EPB41L3: variants seen among roughly 807,000 people sequenced by gnomAD.
EPB41L3 encodes the protein band 4.1-like protein 3.
A neutral mutation model predicts 127.1 loss-of-function variants in EPB41L3; 57 were observed. The observed-to-expected ratio is 0.45, with a 90% CI of 0.36 to 0.56. The LOEUF is 0.56. Among genes scored for constraint, EPB41L3 ranks in the 20% least tolerant of loss-of-function variants. The probability of loss-of-function intolerance (pLI) is 0.00; values close to 1 mark genes in which losing one functional copy is unlikely to be tolerated. For missense variants in EPB41L3, 1,273 were observed against 1,372.2 expected, an observed-to-expected ratio of 0.93 and a Z score of 1.14; for synonymous variants, 572 against 549.5, an observed-to-expected ratio of 1.04 and a Z score of -0.57.
intron 3 of EPB41L3, among the ~76,000 whole-genome samples, chr18:5,448,909 A>G (rs1257293847): frequency 2.0e-5 from 3 of 152,194 alleles, no homozygotes; most frequent in Non-Finnish European, 2.9e-5. Context: ...ATGTCCTAAA[A>G]ATGGCATATC....
At chr18:5,590,554 T>A (rs572197331) in intron 3 of EPB41L3, among the ~76,000 whole-genome samples, 1 of 143,172 alleles carries the variant, frequency 7.0e-6, no homozygotes. Context: ...CCTAGAGAAG[T>A]GAACACTATG....
chr18:5,430,821 G>T (rs926053890), intron 8 of EPB41L3, among the ~76,000 whole-genome samples: 6 of 151,786 alleles, frequency 4.0e-5, no homozygotes, highest in Non-Finnish European at 8.8e-5. Context: ...GTCTCAGAGT[G>T]CTAGGATTAC....
rs2081246322 is a variant in EPB41L3, at chr18:5,444,731, T to C, written c.486+409A>G. On this transcript the variant is annotated intron_variant, in intron 4 of 22. Coordinates refer to ENST00000341928, the MANE Select transcript of EPB41L3 (RefSeq NM_012307.5). ...AATGGTGAACTGCCCTGACAGTTTATGGGTTACAATCATAATATCGTCATA... is the reference window on the plus strand; with the variant it reads ...AATGGTGAACTGCCCTGACAGTTTACGGGTTACAATCATAATATCGTCATA... Among the ~76,000 whole-genome samples the C allele has an allele frequency of 2.0e-5, 3 of 152,296 alleles. No individual in the cohort carries two copies. The South Asian group carries it at 6.2e-4, about 32-fold the overall frequency.
At chr18:5,451,016 C>G (rs1303893056) in intron 3 of EPB41L3, among the ~76,000 whole-genome samples, 1 of 152,136 alleles carries the variant, frequency 6.6e-6, no homozygotes, top group African/African-American at 2.4e-5. Flanking sequence ...CATTAGCAGT[C>G]ACTGATGACC....
At chr18:5,580,158 A>C (rs1157307721) in intron 3 of EPB41L3, among the ~76,000 whole-genome samples, 3 of 152,178 alleles carry the variant, frequency 2.0e-5, no homozygotes, top group Non-Finnish European at 1.5e-5. Flanking sequence ...ACAGACACTC[A>C]TTTATGGATA....
intron 1 of EPB41L3, among the ~76,000 whole-genome samples, chr18:5,621,293 C>T (rs969819316): frequency 6.6e-6 from 1 of 152,084 alleles, no homozygotes; most frequent in African/African-American, 2.4e-5. Flanking sequence ...ATCCCTAAAC[C>T]CAGTTGGGAG....
At chr18:5,427,890 C>A (rs2078435226) in intron 9 of EPB41L3, among the ~76,000 whole-genome samples, 1 of 151,914 alleles carries the variant, frequency 6.6e-6, no homozygotes, top group Non-Finnish European at 1.5e-5. Context: ...GGAATATAGG[C>A]ACCTGCCACT....
intron 3 of EPB41L3, among the ~76,000 whole-genome samples, chr18:5,581,048 A>C (rs750004447): frequency 2.0e-5 from 3 of 152,166 alleles, no homozygotes; most frequent in Admixed American, 2.0e-4. Flanking sequence ...ACACAAAGTG[A>C]ATTTGGAGGA....
intron 3 of EPB41L3, among the ~76,000 whole-genome samples, chr18:5,561,429 G>A (rs1229258368): frequency 1.3e-5 from 2 of 151,922 alleles, no homozygotes; most frequent in African/African-American, 4.8e-5. Context: ...CAAGATTGAA[G>A]AATTTGAACA....
chr18:5,602,811 A>G (rs2094605594), intron 3 of EPB41L3, among the ~76,000 whole-genome samples: 1 of 152,208 alleles, frequency 6.6e-6, no homozygotes, highest in Admixed American at 6.5e-5. Context: ...CGATGTTTAA[A>G]GATTTTTAAA....
intron 3 of EPB41L3, among the ~76,000 whole-genome samples, chr18:5,556,305 A>G (rs1008943801): frequency 6.6e-6 from 1 of 152,246 alleles, no homozygotes; most frequent in African/African-American, 2.4e-5. Flanking sequence ...ATTTAAGTGA[A>G]GCTTGCAATG....
chr18:5,540,716 T>C (rs1464370330), intron 1 of EPB41L3, among the ~76,000 whole-genome samples: 1 of 152,174 alleles, frequency 6.6e-6, no homozygotes, highest in Non-Finnish European at 1.5e-5. Context: ...ATGGTGAGTC[T>C]ATATTTCACG....
At chr18:5,580,320 T>C (rs1176019225) in intron 3 of EPB41L3, among the ~76,000 whole-genome samples, 1 of 152,048 alleles carries the variant, frequency 6.6e-6, no homozygotes, top group East Asian at 1.9e-4. Context: ...CAAATATGTA[T>C]AGACACACAT....
At chr18:5,582,538 A>C (rs1412759484) in intron 3 of EPB41L3, among the ~76,000 whole-genome samples, 1 of 152,226 alleles carries the variant, frequency 6.6e-6, no homozygotes, top group Non-Finnish European at 1.5e-5. Flanking sequence ...GTATATGTTT[A>C]AGGATATTCT....
intron 3 of EPB41L3, among the ~76,000 whole-genome samples, chr18:5,588,981 AG>A (rs963121493): frequency 4.6e-5 from 7 of 152,170 alleles, no homozygotes; most frequent in African/African-American, 1.7e-4. Context: ...TCTGTAGATG[AG>A]AAAGTGTATT....
chr18:5,516,573 T>G (rs945274861), intron 1 of EPB41L3, among the ~76,000 whole-genome samples: 8 of 152,226 alleles, frequency 5.3e-5, no homozygotes, highest in Non-Finnish European at 7.3e-5. Context: ...CACTGTGAAC[T>G]TCCAGCATTT....
intron 1 of EPB41L3, among the ~76,000 whole-genome samples, chr18:5,528,754 C>T (rs895331760): frequency 1.3e-5 from 2 of 152,070 alleles, no homozygotes; most frequent in South Asian, 4.2e-4. Context: ...CCCACCATCA[C>T]GTCTGGCTAA....
chr18:5,406,311 T>A (rs2075375366), intron 16 of EPB41L3, among the ~76,000 whole-genome samples: 1 of 152,032 alleles, frequency 6.6e-6, no homozygotes, highest in Non-Finnish European at 1.5e-5. Context: ...TAAATAAAAA[T>A]CAAATAAAAC....
intron 1 of EPB41L3, chr18:5,508,299 G>C (rs1165163155): frequency 1.3e-5 from 2 of 152,090 alleles, no homozygotes; most frequent in African/African-American, 4.8e-5. Flanking sequence ...GGACAAAAGG[G>C]AATGATTTAC....
Sources: gnomAD v4.1 joint callset for allele counts (sites outside exome capture counted in the v4.1 genomes callset) on GRCh38, gnomAD v4.1.1 for gene constraint, MANE v1.5 for transcripts, NCBI Gene and HGNC (gene_info 2026-07-23, HGNC 2026-07-21) for gene names.